LAMA2: variants seen among roughly 807,000 people sequenced by gnomAD.
The protein encoded by LAMA2 is laminin subunit alpha-2.
In LAMA2, 269 loss-of-function variants were observed where a neutral mutation model predicts 364.8. That is an observed-to-expected ratio of 0.74 (90% CI 0.67 to 0.82). The LOEUF is 0.82. Among genes scored for constraint, LAMA2 ranks in the 40% least tolerant of loss-of-function variants. The pLI, the probability that LAMA2 is intolerant of heterozygous loss-of-function variation, is 0.00. For synonymous variants in LAMA2, 1,379 were observed against 1,370.6 expected, an observed-to-expected ratio of 1.01 and a Z score of -0.14; for missense variants, 3,807 against 3,873.2, an observed-to-expected ratio of 0.98 and a Z score of 0.45.
chr6:128,963,528 G>GTTCT (rs1781661704), intron 1 of LAMA2, among the ~76,000 whole-genome samples: 2 of 151,730 alleles, frequency 1.3e-5, no homozygotes, highest in African/African-American at 4.9e-5. Context: ...TTTCCACAGA[G>GTTCT]TTGTTTACTG....
At chr6:129,234,391 G>A (rs1045440255) in intron 12 of LAMA2, among the ~76,000 whole-genome samples, 1 of 152,008 alleles carries the variant, frequency 6.6e-6, no homozygotes, top group African/African-American at 2.4e-5. Flanking sequence ...AAGCCCCTCA[G>A]AGGGCACCCC....
At chr6:128,921,190 A>G (rs1313170370) in intron 1 of LAMA2, among the ~76,000 whole-genome samples, 2 of 152,152 alleles carry the variant, frequency 1.3e-5, no homozygotes, top group Admixed American at 6.5e-5. Context: ...TCCTTTTTTA[A>G]AAGTTGGTAA....
intron 48 of LAMA2, among the ~76,000 whole-genome samples, chr6:129,457,583 A>G (rs151031701): frequency 4.3e-4 from 66 of 152,264 alleles, no homozygotes; most frequent in Non-Finnish European, 7.1e-4. Flanking sequence ...GGATACAATA[A>G]TACATTTTTT....
intron 3 of LAMA2, among the ~76,000 whole-genome samples, chr6:129,066,918 C>T (rs918891446): frequency 1.3e-5 from 2 of 152,142 alleles, no homozygotes; most frequent in Non-Finnish European, 2.9e-5. Flanking sequence ...TATAAAAAAT[C>T]CATTCAAATT....
intron 28 of LAMA2, among the ~76,000 whole-genome samples, chr6:129,327,562 A>C (rs957434478): frequency 2.0e-5 from 3 of 152,226 alleles, no homozygotes; most frequent in Non-Finnish European, 4.4e-5. Context: ...GACGGTTTTC[A>C]TCTTCGTGCC....
intron 20 of LAMA2, among the ~76,000 whole-genome samples, chr6:129,295,580 T>C (rs1772745912): frequency 6.6e-6 from 1 of 152,222 alleles, no homozygotes; most frequent in South Asian, 2.1e-4. Flanking sequence ...CCTTTAAAGC[T>C]ACATTATTTA....
intron 40 of LAMA2, among the ~76,000 whole-genome samples, chr6:129,418,863 T>G (rs1006398397): frequency 7.2e-5 from 11 of 151,988 alleles, no homozygotes; most frequent in Non-Finnish European, 1.5e-4. Context: ...TTTTCAGAAT[T>G]TATTTATTTT....
intron 1 of LAMA2, among the ~76,000 whole-genome samples, chr6:128,925,047 G>A (rs1004322342): frequency 1.3e-5 from 2 of 152,186 alleles, no homozygotes; most frequent in Non-Finnish European, 1.5e-5. Flanking sequence ...GGAATTAGAA[G>A]CCTTATGCAT....
intron 38 of LAMA2, among the ~76,000 whole-genome samples, chr6:129,402,080 G>A (rs1194790933): frequency 6.6e-6 from 1 of 151,748 alleles, no homozygotes; most frequent in Admixed American, 6.6e-5. Flanking sequence ...GTGGTGGTGG[G>A]CACCTGTAAT....
At chr6:129,321,548 C>G (rs1774968428) in intron 28 of LAMA2, among the ~76,000 whole-genome samples, 1 of 152,136 alleles carries the variant, frequency 6.6e-6, no homozygotes, top group African/African-American at 2.4e-5. Flanking sequence ...GGCTGGTGCT[C>G]ACAGCATACC....
intron 1 of LAMA2, among the ~76,000 whole-genome samples, chr6:128,985,182 G>T (rs565280643): frequency 3.3e-5 from 5 of 152,278 alleles, no homozygotes; most frequent in African/African-American, 9.6e-5. Flanking sequence ...TGGGTCAGAT[G>T]GTTGCTTGTG....
At chr6:129,313,928 G>A (rs1774389170) in intron 23 of LAMA2, among the ~76,000 whole-genome samples, 1 of 152,144 alleles carries the variant, frequency 6.6e-6, no homozygotes, top group South Asian at 2.1e-4. Context: ...TACATGTTAT[G>A]TGTGTATATA....
At chr6:129,020,091 A>C (rs1785334355) in intron 1 of LAMA2, among the ~76,000 whole-genome samples, 1 of 86,126 alleles carries the variant, frequency 1.2e-5, no homozygotes. Context: ...CATCTCAAAA[A>C]GAAAAAAAAA....
chr6:129,432,443 G>A (rs1057495337), intron 41 of LAMA2, among the ~76,000 whole-genome samples: 3 of 152,180 alleles, frequency 2.0e-5, no homozygotes, highest in South Asian at 4.1e-4. Flanking sequence ...GAACACTCCT[G>A]TATATCATCT....
intron 30 of LAMA2, among the ~76,000 whole-genome samples, chr6:129,346,947 C>T (rs372695084): frequency 2.6e-5 from 4 of 152,122 alleles, no homozygotes; most frequent in Non-Finnish European, 4.4e-5. Context: ...GCAGGAAGAA[C>T]AGTCCCCTCA....
chr6:128,900,003 C>G (rs1386011923), intron 1 of LAMA2, among the ~76,000 whole-genome samples: 1 of 152,026 alleles, frequency 6.6e-6, no homozygotes, highest in Non-Finnish European at 1.5e-5. Context: ...TTTCATTTTT[C>G]TTTGTTTCTT....
chr6:129,418,829 T>C (rs886156360), intron 40 of LAMA2, among the ~76,000 whole-genome samples: 3 of 152,160 alleles, frequency 2.0e-5, no homozygotes, highest in Non-Finnish European at 4.4e-5. Context: ...ATAATAAATA[T>C]AGTTTCCAAA....
At chr6:128,973,515 G>T (rs1204873743) in intron 1 of LAMA2, among the ~76,000 whole-genome samples, 1 of 152,126 alleles carries the variant, frequency 6.6e-6, no homozygotes, top group Non-Finnish European at 1.5e-5. Flanking sequence ...CTCTACTGGT[G>T]ATTAAAATAT....
intron 8 of LAMA2, among the ~76,000 whole-genome samples, chr6:129,156,736 G>T (rs1275043331): frequency 3.9e-5 from 6 of 152,100 alleles, no homozygotes; most frequent in African/African-American, 1.2e-4. Context: ...AATGGTGGTT[G>T]AAGGAAAACA....
Sources: gnomAD v4.1 joint callset for allele counts (sites outside exome capture counted in the v4.1 genomes callset) on GRCh38, gnomAD v4.1.1 for gene constraint, MANE v1.5 for transcripts, NCBI Gene and HGNC (gene_info 2026-07-23, HGNC 2026-07-21) for gene names.